The following KAZN variants were observed in gnomAD, a reference collection of about 807,000 sequenced individuals.
KAZN encodes the protein kazrin.
A neutral mutation model predicts 87.4 loss-of-function variants in KAZN; 40 were observed. That is an observed-to-expected ratio of 0.46 (90% CI 0.36 to 0.60). The LOEUF (loss-of-function observed/expected upper bound fraction) is 0.60, where lower values mean the gene tolerates loss of function less well. Among genes scored for constraint, KAZN ranks in the 20% least tolerant of loss-of-function variants. The probability of loss-of-function intolerance (pLI) is 0.00; values close to 1 mark genes in which losing one functional copy is unlikely to be tolerated. For missense variants in KAZN, 898 were observed against 1,073.9 expected (o/e 0.84, Z 2.29); for synonymous variants, 466 against 458.3 (o/e 1.02, Z -0.22).
intron 2 of KAZN, among the ~76,000 whole-genome samples, chr1:14,576,182 G>A (rs778796234): frequency 2.0e-5 from 3 of 152,162 alleles, no homozygotes; most frequent in Non-Finnish European, 2.9e-5. Flanking sequence ...AAATGAAGAC[G>A]ATATTAGTAT....
chr1:14,703,126 A>G (rs1035269522), intron 1 of KAZN, among the ~76,000 whole-genome samples: 1 of 152,194 alleles, frequency 6.6e-6, no homozygotes, highest in Non-Finnish European at 1.5e-5. Context: ...TCAGGTATAT[A>G]TTGGGTCTTT....
chr1:14,794,951 C>T (rs1319117911), intron 1 of KAZN, among the ~76,000 whole-genome samples: 1 of 152,146 alleles, frequency 6.6e-6, no homozygotes, highest in African/African-American at 2.4e-5. Flanking sequence ...CATCTTTCTC[C>T]CGTGCTGGAT....
At chr1:14,814,468 C>T (rs1646507596) in intron 1 of KAZN, among the ~76,000 whole-genome samples, 1 of 152,226 alleles carries the variant, frequency 6.6e-6, no homozygotes, top group African/African-American at 2.4e-5. Context: ...CCCACCTCAG[C>T]CTCCCAAAGT....
intron 1 of KAZN, among the ~76,000 whole-genome samples, chr1:14,667,566 C>T (rs751352975): frequency 2.0e-5 from 3 of 152,150 alleles, no homozygotes; most frequent in Non-Finnish European, 4.4e-5. Context: ...CTTTGCCAGT[C>T]GGGCTGCCTG....
chr1:14,749,017 T>C (rs926070431), intron 1 of KAZN, among the ~76,000 whole-genome samples: 1 of 152,244 alleles, frequency 6.6e-6, no homozygotes, highest in Non-Finnish European at 1.5e-5. Context: ...TTCTAGTCTC[T>C]GCTCTGACTC....
intron 1 of KAZN, among the ~76,000 whole-genome samples, chr1:14,690,341 C>T (rs181722481): frequency 6.6e-6 from 1 of 152,158 alleles, no homozygotes; most frequent in Non-Finnish European, 1.5e-5. Context: ...CATGGGAGCC[C>T]CAGATTTAGG....
At chr1:14,660,966 C>G (rs1393915159) in intron 1 of KAZN, among the ~76,000 whole-genome samples, 1 of 152,178 alleles carries the variant, frequency 6.6e-6, no homozygotes, top group Non-Finnish European at 1.5e-5. Flanking sequence ...ACTGTACTTT[C>G]ACCGGAGACA....
intron 1 of KAZN, among the ~76,000 whole-genome samples, chr1:14,819,815 C>A (rs1388114549): frequency 3.5e-5 from 5 of 144,320 alleles, no homozygotes; most frequent in African/African-American, 1.3e-4. Context: ...TCAAGCAATT[C>A]TCCTCCCTCA....
At chr1:13,962,235 G>C (rs922756251) in intron 1 of KAZN, among the ~76,000 whole-genome samples, 3 of 152,166 alleles carry the variant, frequency 2.0e-5, no homozygotes, top group Non-Finnish European at 2.9e-5. Flanking sequence ...GGCAGATGTG[G>C]CTACAGGTGC....
chr1:14,468,699 AAGTT>A (rs1668292246), intron 2 of KAZN, among the ~76,000 whole-genome samples: 1 of 152,180 alleles, frequency 6.6e-6, no homozygotes, highest in Non-Finnish European at 1.5e-5. Flanking sequence ...GCAAGGCACA[AAGTT>A]AGAATTTCTT....
chr1:14,452,485 G>A (rs1667330926), intron 2 of KAZN, among the ~76,000 whole-genome samples: 1 of 152,164 alleles, frequency 6.6e-6, no homozygotes, highest in Non-Finnish European at 1.5e-5. Flanking sequence ...TGGGCTGCAA[G>A]GACAGGCAAA....
At chr1:13,974,949 G>T (rs544844164) in intron 1 of KAZN, among the ~76,000 whole-genome samples, 2 of 152,232 alleles carry the variant, frequency 1.3e-5, no homozygotes, top group South Asian at 4.2e-4. Context: ...AGTGTAATTT[G>T]CTATCAGATG....
chr1:14,484,102 A>G (rs868716943), intron 2 of KAZN, among the ~76,000 whole-genome samples: 11 of 152,170 alleles, frequency 7.2e-5, no homozygotes, highest in African/African-American at 1.9e-4. Flanking sequence ...GGAGCTTTCT[A>G]TTCTGTTCTG....
chr1:14,690,149 G>A (rs953453078), intron 1 of KAZN, among the ~76,000 whole-genome samples: 31 of 152,280 alleles, frequency 2.0e-4, no homozygotes, highest in African/African-American at 6.7e-4. Flanking sequence ...CATCTCATCC[G>A]GCAGACTCGC....
chr1:14,551,678 C>A (rs960548226), intron 2 of KAZN, among the ~76,000 whole-genome samples: 1 of 152,088 alleles, frequency 6.6e-6, no homozygotes, highest in Non-Finnish European at 1.5e-5. Flanking sequence ...GTGGAGGGAG[C>A]GAGGTGAAGC....
At position 14,396,745 on chromosome 1, in the gene KAZN, T is replaced by C. The variant is rs151166151; in HGVS notation, c.250-202238T>C. ...GAAAACTCTGGGCTGGTCATAAACA[T>C]CTACAATAAATGCAGGGGAATAAGC... On this transcript the variant is annotated intron_variant, in intron 2 of 16. Transcript: ENST00000636203. Among the ~76,000 whole-genome samples the C allele has an allele frequency of 3.3e-3, 500 of 152,286 alleles. 1 individual carries two copies. The highest frequency in any genetic ancestry group is 0.012 in the African/African-American group (483 of 41,552).
intron 1 of KAZN, among the ~76,000 whole-genome samples, chr1:14,154,293 A>C (rs1645540763): frequency 2.6e-5 from 4 of 152,130 alleles, no homozygotes; most frequent in Admixed American, 2.6e-4. Flanking sequence ...ATTCTTTTTC[A>C]GATTGTTCAC....
chr1:14,036,772 A>AT (rs1469741284), intron 1 of KAZN, among the ~76,000 whole-genome samples: 6 of 151,848 alleles, frequency 4.0e-5, no homozygotes, highest in Non-Finnish European at 7.4e-5. Context: ...TTATTTATTT[A>AT]TTATTATTAT....
chr1:14,064,604 G>A (rs1311100252), intron 1 of KAZN, among the ~76,000 whole-genome samples: 4 of 152,132 alleles, frequency 2.6e-5, no homozygotes, highest in Non-Finnish European at 4.4e-5. Context: ...GAGCTGATGG[G>A]CATTGTGAAA....
Sources: gnomAD v4.1 joint callset for allele counts (sites outside exome capture counted in the v4.1 genomes callset) on GRCh38, gnomAD v4.1.1 for gene constraint, MANE v1.5 for transcripts, NCBI Gene and HGNC (gene_info 2026-07-23, HGNC 2026-07-21) for gene names.